FBXO17: variants seen among roughly 807,000 people sequenced by gnomAD.
The protein encoded by FBXO17 is F-box only protein 17.
FBXO17 carries 43 observed loss-of-function variants against 34.1 expected under a neutral mutation model. The observed-to-expected ratio is 1.26, with a 90% CI of 0.99 to 1.62. The LOEUF is 1.62. FBXO17 is among the 40% of genes most tolerant of loss of function. FBXO17 has a pLI of 0.00. For synonymous variants in FBXO17, 169 were observed against 166.0 expected (o/e 1.02, Z -0.14); for missense variants, 424 against 386.7 (o/e 1.10, Z -0.81).
chr19:38,952,581 A>G (rs1975101004), intron 1 of FBXO17: 1 of 534,230 alleles, frequency 1.9e-6, no homozygotes, highest in Non-Finnish European at 3.8e-6. Context: ...ACCTTGCTTC[A>G]TGCGTCATCT....
At chr19:38,946,831 T>C (rs1046328690) in intron 3 of FBXO17, 3 of 493,006 alleles carry the variant, frequency 6.1e-6, no homozygotes, top group Non-Finnish European at 1.1e-5. Flanking sequence ...GGACAGGACA[T>C]GACTACAAAT....
chr19:38,948,504 G>C lies in FBXO17; in HGVS notation c.461+63C>G, dbSNP rs141782404. The C allele has an allele frequency of 2.6e-5, 34 of 1,300,458 alleles. No individual in the cohort carries two copies. The South Asian group carries it at 4.2e-4, about 16-fold the overall frequency. The allele number at this position is 1,300,458 out of a possible 1,614,324, so 80.6% of individuals were successfully genotyped here. On this transcript the variant is annotated intron_variant, in intron 3 of 5. Transcript: ENST00000292852. ...GGTGACGATGAGGACAGTGTGGGGG[G>C]TAGGGTCCCTTTCTTTGGGGCCTTT... is the stretch of plus-strand genomic sequence containing the variant.
At chr19:38,946,617 G>T (rs1234929355) in intron 3 of FBXO17, 50 bp from the exon 4 acceptor site, 1 of 1,565,086 alleles carries the variant, frequency 6.4e-7, no homozygotes. Flanking sequence ...TGGCATTCAA[G>T]TCACAGTCAG....
intron 5 of FBXO17, among the ~76,000 whole-genome samples, chr19:38,944,029 C>T (rs2144806872): frequency 6.6e-6 from 1 of 152,314 alleles, no homozygotes; most frequent in Middle Eastern, 3.4e-3. Flanking sequence ...GACCTCCCTC[C>T]CCCAGCCCCT....
intron 5 of FBXO17, chr19:38,944,673 C>T (rs76097405): frequency 0.072 from 27,270 of 376,930 alleles, 1,276 homozygotes; most frequent in Non-Finnish European, 0.097. Context: ...GTTTCCTCAA[C>T]TCTAGAATGG....
intron 5 of FBXO17, among the ~76,000 whole-genome samples, chr19:38,943,522 G>A (rs1044319285): frequency 2.6e-5 from 4 of 151,976 alleles, no homozygotes; most frequent in Non-Finnish European, 4.4e-5. Flanking sequence ...TGATCCACCC[G>A]CCATGGTCTT....
intron 1 of FBXO17, among the ~76,000 whole-genome samples, chr19:38,960,893 G>A (rs1172080791): frequency 1.3e-5 from 2 of 149,308 alleles, no homozygotes; most frequent in African/African-American, 2.5e-5. Flanking sequence ...TGCAACCTCC[G>A]CCTCCCAAGT....
intron 1 of FBXO17, among the ~76,000 whole-genome samples, chr19:38,954,895 T>TTTTTTATTA (rs1337953339): frequency 1.1e-4 from 15 of 134,214 alleles, no homozygotes; most frequent in South Asian, 2.4e-4. Context: ...AATGTGTTAT[T>TTTTTTATTA]TTATTATTAT....
rs532283791 is a variant in FBXO17 at position 38,951,713 on chromosome 19, C to T, written c.-17-1377G>A. On this transcript the variant is annotated intron_variant, in intron 1 of 5. Transcript: ENST00000292852. ...TCACCCAGGCTGGAATGCAGTGGCC[C>T]GTCTCGGCTCACTGCAACCTCTGTC... is the stretch of plus-strand genomic sequence containing the variant. Among the ~76,000 whole-genome samples the T allele has an allele frequency of 5.3e-5, 8 of 150,450 alleles. No individual in the cohort carries two copies. In the South Asian group the frequency reaches 8.5e-4, roughly 16 times the overall value.
chr19:38,961,748 G>A (rs1324182499), intron 1 of FBXO17, among the ~76,000 whole-genome samples: 1 of 152,018 alleles, frequency 6.6e-6, no homozygotes, highest in Non-Finnish European at 1.5e-5. Flanking sequence ...TGCAACCTCC[G>A]CCTTCCGGGT....
At chr19:38,949,720 A>G (rs997743587) in intron 2 of FBXO17, 5 of 574,288 alleles carry the variant, frequency 8.7e-6, no homozygotes, top group Non-Finnish European at 1.2e-5. Flanking sequence ...ATACCAAACT[A>G]CTTGCTTTCT....
Position 38,950,230 on chromosome 19 carries a change from C to A in FBXO17, c.90G>T (p.Leu30=), listed in dbSNP as rs1198455946. Residue 30 remains leucine, a synonymous_variant, in exon 2 of 6, where the codon CTG becomes CTT. Transcript: ENST00000292852. ...CCAAGGAGCGTGGCGGCACGTGGCT[C>A]AGCACCTGCACCAGCAGCTCCGGGG... ...ALPPELLVQV[L]SHVPPRSLVT... is the part of the protein sequence containing the mutation. 1.9e-6 allele frequency: 3 copies of A among 1,539,350 alleles called. No homozygotes were observed. The East Asian group carries it at 7.4e-5, about 38-fold the overall frequency.
At chr19:38,965,233 C>T (rs1182583585) in intron 1 of FBXO17, among the ~76,000 whole-genome samples, 2 of 152,146 alleles carry the variant, frequency 1.3e-5, no homozygotes, top group East Asian at 3.8e-4. Flanking sequence ...CTAACTGGTA[C>T]ACTCAGGACT....
At chr19:38,958,644 G>A (rs1171930703) in intron 1 of FBXO17, among the ~76,000 whole-genome samples, 3 of 152,088 alleles carry the variant, frequency 2.0e-5, no homozygotes, top group Non-Finnish European at 4.4e-5. Context: ...TTTGGAGGAA[G>A]GTTACTGGCT....
At chr19:38,963,202 C>T (rs1307101215) in intron 1 of FBXO17, among the ~76,000 whole-genome samples, 1 of 152,060 alleles carries the variant, frequency 6.6e-6, no homozygotes, top group Admixed American at 6.6e-5. Flanking sequence ...GGGCCAGGCA[C>T]AGTGGCTCAT....
Position 38,974,998 on chromosome 19 carries a change from T to TA in FBXO17, c.-18+587dup, listed in dbSNP as rs1318735101. Among the ~76,000 whole-genome samples, 5 of 152,322 alleles carry TA rather than the reference T, an allele frequency of 3.3e-5. No homozygotes were observed. The South Asian group carries it at 6.2e-4, about 19-fold the overall frequency. ...AAATATGGAGTAAATAGACGCTGTC[T>TA]AAAGTTGAAGAGGCAGTATACAGAG... On this transcript the variant is annotated intron_variant, in intron 1 of 5. Coordinates refer to ENST00000292852, the MANE Select transcript of FBXO17 (RefSeq NM_024907.7).
chr19:38,960,246 C>T (rs993560080), intron 1 of FBXO17, among the ~76,000 whole-genome samples: 2 of 151,744 alleles, frequency 1.3e-5, no homozygotes, highest in African/African-American at 4.8e-5. Flanking sequence ...TTGGTCTGTC[C>T]AGAGTATAAT....
Position 38,943,520 on chromosome 19 carries a change from C to A in FBXO17, c.694-769G>T, listed in dbSNP as rs1338504280. On this transcript the variant is annotated intron_variant, in intron 5 of 5. Transcript: ENST00000292852. ...GAACTCCTGACCTCAGGTGATCCACCCGCCATGGTCTTCCAAAGTGCTGGG... is the reference window on the plus strand; with the variant it reads ...GAACTCCTGACCTCAGGTGATCCACACGCCATGGTCTTCCAAAGTGCTGGG... Among the ~76,000 whole-genome samples the A allele has an allele frequency of 2.6e-5, 4 of 152,000 alleles. No homozygotes were observed. In the East Asian group the frequency reaches 7.7e-4, roughly 29 times the overall value.
At chr19:38,969,073 C>T (rs1237497333) in intron 1 of FBXO17, among the ~76,000 whole-genome samples, 1 of 152,128 alleles carries the variant, frequency 6.6e-6, no homozygotes, top group African/African-American at 2.4e-5. Flanking sequence ...TAAAAAAACA[C>T]AGCAAACTTT....
Sources: allele counts gnomAD v4.1 joint callset (sites outside exome capture counted in the v4.1 genomes callset), GRCh38; gene constraint gnomAD v4.1.1; transcripts MANE v1.5; gene names NCBI Gene and HGNC (gene_info 2026-07-23, HGNC 2026-07-21).